Variants in AGAP3 observed in about 807,000 individuals in gnomAD.
AGAP3 encodes ArfGAP with GTPase domain, ankyrin repeat and PH domain 3.
Under a neutral mutation model 96.9 loss-of-function variants are expected in AGAP3, and 24 were observed. That is an observed-to-expected ratio of 0.25 (90% confidence interval 0.18 to 0.35). AGAP3 has a LOEUF of 0.35. Ranked by LOEUF, AGAP3 falls within the 10% of genes least tolerant of loss-of-function variation. The pLI, the probability that AGAP3 is intolerant of heterozygous loss-of-function variation, is 1.00. For synonymous variants in AGAP3, 563 were observed against 536.1 expected, an observed-to-expected ratio of 1.05 and a Z score of -0.69; for missense variants, 876 against 1,254.2, an observed-to-expected ratio of 0.70 and a Z score of 4.55.
In AGAP3 at chr7:151,142,538, T is replaced by C; in HGVS notation, c.2177T>C (p.Leu726Pro). The change falls in exon 16 of 18, where the codon CTG (leucine) becomes CCG (proline). Residue 726 changes from leucine (L) to proline (P), a missense_variant. Around this residue, in one of 8 missense-constraint regions of AGAP3, gnomAD observed 213 missense variants for 253.8 expected, o/e 0.84. Transcript: ENST00000397238. The surrounding 1 kb of genome is among the most constrained non-coding windows in gnomAD (Gnocchi z 7.5). Reference sequence around the variant, plus strand: ...GACCTCGATGACTGGCCGCCTGAGCTGCTGGCTGTCATGACTGCCATGGGC... The same window carrying C: ...GACCTCGATGACTGGCCGCCTGAGCCGCTGGCTGTCATGACTGCCATGGGC... ...SLDLDDWPPE[L>P]LAVMTAMGNA... 6.2e-7 allele frequency: 1 copy of C among 1,613,802 alleles called. No individual in the cohort carries two copies. Among genetic ancestry groups the C allele is most frequent in the Non-Finnish European group, 8.5e-7 (1 of 1,180,030 alleles).
chr7:151,106,660 T>G (rs1209390869), intron 1 of AGAP3, among the ~76,000 whole-genome samples: 1 of 152,106 alleles, frequency 6.6e-6, no homozygotes, highest in Admixed American at 6.5e-5. Context: ...GTATTCTTAG[T>G]AGCACAAAGT....
chr7:151,113,158 A>G (rs1258233342), intron 1 of AGAP3, among the ~76,000 whole-genome samples: 1 of 152,174 alleles, frequency 6.6e-6, no homozygotes, highest in East Asian at 1.9e-4. Flanking sequence ...AGGGAAGTCA[A>G]GGCAGAATGT....
chr7:151,107,139 G>A (rs1246904260), intron 1 of AGAP3, among the ~76,000 whole-genome samples: 3 of 151,778 alleles, frequency 2.0e-5, no homozygotes, highest in Admixed American at 6.6e-5. Context: ...GTGAAACCCC[G>A]TCTCTACTAA....
chr7:151,121,456 G>A (rs1022477944), intron 8 of AGAP3, among the ~76,000 whole-genome samples: 17 of 152,078 alleles, frequency 1.1e-4, no homozygotes, highest in East Asian at 1.9e-4. Flanking sequence ...CCCTGGCATC[G>A]TGCCTCAGTC....
At chr7:151,116,110 G>C (rs1217009714) in intron 1 of AGAP3, among the ~76,000 whole-genome samples, 1 of 152,202 alleles carries the variant, frequency 6.6e-6, no homozygotes. Flanking sequence ...TGGAGGTGAC[G>C]GAGATGGGGG....
chr7:151,094,013 T>C (rs771840792), intron 1 of AGAP3, among the ~76,000 whole-genome samples: 2 of 152,122 alleles, frequency 1.3e-5, no homozygotes, highest in Admixed American at 1.3e-4. Flanking sequence ...TGCAGCACTT[T>C]GAGATGCGCC....
chr7:151,089,730 G>A (rs1036273624), intron 1 of AGAP3: 20 of 152,290 alleles, frequency 1.3e-4, no homozygotes, highest in Admixed American at 5.2e-4. Context: ...ATTTTGAAAA[G>A]TTCCTTTCCC....
At chr7:151,109,342 G>C (rs1295512834) in intron 1 of AGAP3, among the ~76,000 whole-genome samples, 1 of 152,190 alleles carries the variant, frequency 6.6e-6, no homozygotes, top group Non-Finnish European at 1.5e-5. Context: ...GGGAGACCCT[G>C]TCTCAAAAAC....
Position 151,128,743 on chromosome 7 carries a change from A to T in AGAP3, c.1326+59A>T. The T allele has an allele frequency of 2.8e-6, 4 of 1,437,104 alleles. No individual in the cohort carries two copies. In the South Asian group the frequency reaches 4.6e-5, roughly 17 times the overall value. The allele number at this position is 1,437,104 out of a possible 1,614,324, so 89.0% of individuals were successfully genotyped here. On this transcript the variant is annotated intron_variant, in intron 10 of 17. Coordinates refer to ENST00000397238, the MANE Select transcript of AGAP3 (RefSeq NM_031946.7). ...ATGGGGAGGGGGTGGAGGGAGGATA[A>T]CAGAATGCGGGTAGCAGACAGGCTC...
intron 10 of AGAP3, 74 bp from the exon 11 acceptor site, chr7:151,134,326 A>G: frequency 6.6e-7 from 1 of 1,525,350 alleles, no homozygotes; most frequent in South Asian, 1.2e-5. Context: ...GGAGAGACCT[A>G]GGAGTTGCAA....
chr7:151,123,922 G>A lies in AGAP3; in HGVS notation c.1221+36G>A, dbSNP rs542525111. On this transcript the variant is annotated intron_variant, in intron 9 of 17. Transcript: ENST00000397238. ...CCCTTCCCGTGTGCTCCAGGGCTCA[G>A]AATGAGGCCCAGGAATGTGGCGCTT... 4.3e-5 allele frequency: 68 copies of A among 1,587,720 alleles called. No homozygotes were observed. The South Asian group carries it at 6.7e-4, about 16-fold the overall frequency.
rs1429332342 is a variant in AGAP3, at chr7:151,108,005, C to T, written c.332-8788C>T. On this transcript the variant is annotated intron_variant, in intron 1 of 17. Coordinates refer to ENST00000397238, the MANE Select transcript of AGAP3 (RefSeq NM_031946.7). The surrounding 1 kb of genome is among the most constrained non-coding windows in gnomAD (Gnocchi z 4.2). ...TAGGATCCTCTGGCACGGCACCGGC[C>T]CATGCGGGGGGTGCAGCACATGCTG... Among the ~76,000 whole-genome samples, 2 of 152,212 alleles carry T rather than the reference C, an allele frequency of 1.3e-5. No individual in the cohort carries two copies. The highest frequency in any genetic ancestry group is 1.5e-5 in the Non-Finnish European group (1 of 68,044).
Position 151,133,413 on chromosome 7 carries a change from G to A in AGAP3, c.1327-987G>A, listed in dbSNP as rs1800471568. Among the ~76,000 whole-genome samples, 1 of 152,178 alleles carries A rather than the reference G, an allele frequency of 6.6e-6. No homozygotes were observed. Among genetic ancestry groups the A allele is most frequent in the Non-Finnish European group, 1.5e-5 (1 of 68,034 alleles). ...GAGGCCCAGCGGGGCTCCAGGCCAG[G>A]AAGCGGCAGGCTCCCACCCTCCCTC... On this transcript the variant is annotated intron_variant, in intron 10 of 17. Coordinates refer to ENST00000397238, the MANE Select transcript of AGAP3 (RefSeq NM_031946.7). The surrounding 1 kb of genome is among the most constrained non-coding windows in gnomAD (Gnocchi z 5.4).
chr7:151,114,990 G>A lies in AGAP3; in HGVS notation c.332-1803G>A. The A allele has an allele frequency of 1.0e-6, 1 of 984,294 alleles. No individual in the cohort carries two copies. The highest frequency in any genetic ancestry group is 1.2e-6 in the Non-Finnish European group (1 of 831,272). 61.0% of individuals were successfully genotyped at this position (984,294 alleles called of 1,614,324 possible). On this transcript the variant is annotated intron_variant, in intron 1 of 17. Coordinates refer to ENST00000397238, the MANE Select transcript of AGAP3 (RefSeq NM_031946.7). The surrounding 1 kb of genome is among the most constrained non-coding windows in gnomAD (Gnocchi z 4.4). ...GGAGCCGCCGCCCACCGGCGCCCGC[G>A]GCCTTTTGCTCGGCCTCCTGCGCCC...
At chr7:151,122,318 C>T (rs1006895242) in intron 8 of AGAP3, among the ~76,000 whole-genome samples, 10 of 151,788 alleles carry the variant, frequency 6.6e-5, no homozygotes, top group Non-Finnish European at 1.3e-4. Flanking sequence ...CCCGGTTCTC[C>T]TTGTTCCCTC....
intron 11 of AGAP3, 100 bp from the exon 12 acceptor site, chr7:151,138,043 T>G: frequency 1.1e-6 from 1 of 949,384 alleles, no homozygotes; most frequent in African/African-American, 1.6e-5. Context: ...CCCTGCTGAA[T>G]GTCTCAGGCT....
chr7:151,101,431 C>G (rs988550015), intron 1 of AGAP3, among the ~76,000 whole-genome samples: 2 of 152,208 alleles, frequency 1.3e-5, no homozygotes, highest in African/African-American at 4.8e-5. Context: ...TGTGTAGGAG[C>G]CTCTTGCCTG....
rs1008391616 is a variant in AGAP3 at position 151,114,122 on chromosome 7, G to A, written c.332-2671G>A. ...TCTTCTGGATTTTATAATCTCCAAA[G>A]AAGACAGCCTCAGTCATCAACAGAA... On this transcript the variant is annotated intron_variant, in intron 1 of 17. Transcript: ENST00000397238. The surrounding 1 kb of genome is among the most constrained non-coding windows in gnomAD (Gnocchi z 4.4). Among the ~76,000 whole-genome samples, 1 of 152,212 alleles carries A rather than the reference G, an allele frequency of 6.6e-6. No homozygotes were observed. Among genetic ancestry groups the A allele is most frequent in the Non-Finnish European group, 1.5e-5 (1 of 68,042 alleles).
chr7:151,100,552 C>T (rs1364045193), intron 1 of AGAP3, among the ~76,000 whole-genome samples: 1 of 152,202 alleles, frequency 6.6e-6, no homozygotes, highest in Non-Finnish European at 1.5e-5. Flanking sequence ...TAAGGCCGGG[C>T]CGGGCACAGT....
Sources: allele counts gnomAD v4.1 joint callset (sites outside exome capture counted in the v4.1 genomes callset), GRCh38; gene constraint gnomAD v4.1.1; regional missense constraint gnomAD v4.1.1; non-coding constraint Gnocchi (gnomAD v3.1); transcripts MANE v1.5; gene names NCBI Gene and HGNC (gene_info 2026-07-23, HGNC 2026-07-21).